Variants in PTPN4 observed in about 807,000 individuals in gnomAD.
PTPN4 encodes protein tyrosine phosphatase non-receptor type 4, also known as tyrosine-protein phosphatase non-receptor type 4.
PTPN4 carries 49 observed loss-of-function variants against 135.5 expected under a neutral mutation model. The ratio of observed to expected loss-of-function variants is 0.36; its 90% CI spans 0.29 to 0.46. The LOEUF is 0.46. Ranked by LOEUF, PTPN4 falls within the 20% of genes least tolerant of loss-of-function variation. The pLI is 1.00. For missense variants in PTPN4, 860 were observed against 1,101.0 expected (o/e 0.78, Z 3.10); for synonymous variants, 333 against 369.9 (o/e 0.90, Z 1.14).
At chr2:119,860,018 G>C (rs940108990) in intron 2 of PTPN4, among the ~76,000 whole-genome samples, 1 of 152,160 alleles carries the variant, frequency 6.6e-6, no homozygotes, top group Non-Finnish European at 1.5e-5. Context: ...TACCCAGTCT[G>C]TGATATATAG....
At chr2:119,831,576 A>G (rs1251181969) in intron 2 of PTPN4, among the ~76,000 whole-genome samples, 2 of 152,086 alleles carry the variant, frequency 1.3e-5, no homozygotes, top group East Asian at 3.8e-4. Context: ...GCTATGTCTT[A>G]TTGGTGGATT....
chr2:119,876,189 C>G (rs116755214), intron 3 of PTPN4, among the ~76,000 whole-genome samples: 3,766 of 152,110 alleles, frequency 0.025, 66 homozygotes, highest in Non-Finnish European at 0.034. Flanking sequence ...GACTTTGGAT[C>G]TAGTACTGAG....
At chr2:119,940,677 G>A (rs1574414011) in intron 15 of PTPN4, among the ~76,000 whole-genome samples, 1 of 152,048 alleles carries the variant, frequency 6.6e-6, no homozygotes, top group Admixed American at 6.5e-5. Flanking sequence ...GGCCAGGCTG[G>A]AAAATAAGAG....
chr2:119,806,028 T>C (rs943093171), intron 1 of PTPN4, among the ~76,000 whole-genome samples: 15 of 152,012 alleles, frequency 9.9e-5, no homozygotes, highest in African/African-American at 3.4e-4. Context: ...AAGCAAATGC[T>C]GAGAGATTTT....
intron 25 of PTPN4, among the ~76,000 whole-genome samples, 160 bp from the exon 26 acceptor site, chr2:119,967,677 T>C (rs1282458137): frequency 1.3e-5 from 2 of 152,226 alleles, no homozygotes; most frequent in African/African-American, 4.8e-5. Context: ...GCATTTTTTT[T>C]CTGTTTTCAA....
chr2:119,856,895 G>T (rs1185976089), intron 2 of PTPN4, among the ~76,000 whole-genome samples: 1 of 152,112 alleles, frequency 6.6e-6, no homozygotes, highest in African/African-American at 2.4e-5. Flanking sequence ...TGCAGGTGTG[G>T]CATGGTAAAT....
chr2:119,767,915 ATTC>A (rs1690659571), intron 1 of PTPN4, among the ~76,000 whole-genome samples: 1 of 152,180 alleles, frequency 6.6e-6, no homozygotes, highest in Admixed American at 6.5e-5. Context: ...GTAATTGGGA[ATTC>A]TTATGTGAGA....
intron 10 of PTPN4, among the ~76,000 whole-genome samples, chr2:119,914,002 A>G (rs1032941232): frequency 6.6e-6 from 1 of 152,166 alleles, no homozygotes; most frequent in Non-Finnish European, 1.5e-5. Flanking sequence ...AATAAAAGTT[A>G]TACAAAATAT....
At chr2:119,773,398 A>G (rs983726626) in intron 1 of PTPN4, among the ~76,000 whole-genome samples, 7 of 152,126 alleles carry the variant, frequency 4.6e-5, no homozygotes, top group Non-Finnish European at 4.4e-5. Flanking sequence ...TGAAAAAAAC[A>G]CAGATGAACT....
intron 2 of PTPN4, among the ~76,000 whole-genome samples, chr2:119,846,693 G>T (rs1373014916): frequency 6.6e-6 from 1 of 150,382 alleles, no homozygotes; most frequent in African/African-American, 2.4e-5. Context: ...CTCCTTTATT[G>T]CTTTCTTTTA....
chr2:119,871,444 G>T (rs775251714), intron 3 of PTPN4, among the ~76,000 whole-genome samples: 3 of 152,094 alleles, frequency 2.0e-5, no homozygotes, highest in Non-Finnish European at 4.4e-5. Flanking sequence ...GTGCATGCCT[G>T]CAGTCCCAGC....
chr2:119,906,423 C>G (rs1678488932), intron 10 of PTPN4, among the ~76,000 whole-genome samples: 1 of 152,018 alleles, frequency 6.6e-6, no homozygotes. Flanking sequence ...AAAGCAAATT[C>G]AATAATACGT....
intron 2 of PTPN4, among the ~76,000 whole-genome samples, chr2:119,846,114 T>A (rs1027968166): frequency 1.3e-5 from 2 of 152,182 alleles, no homozygotes; most frequent in African/African-American, 4.8e-5. Flanking sequence ...TACCATATGG[T>A]TTATTGTGGA....
chr2:119,875,949 T>C (rs1233517080), intron 3 of PTPN4, among the ~76,000 whole-genome samples: 4 of 152,182 alleles, frequency 2.6e-5, no homozygotes, highest in South Asian at 2.1e-4. Context: ...CGACATACTT[T>C]TGGTAGGGTG....
At position 119,885,812 on chromosome 2, in the gene PTPN4, A is replaced by T; in HGVS notation, c.605A>T (p.Glu202Val). Residue 202 changes from glutamate (E) to valine (V), a missense_variant, in exon 9 of 27, where the codon GAA becomes GTA. Coordinates refer to ENST00000263708, the MANE Select transcript of PTPN4 (RefSeq NM_002830.4). ...CTTTATAGAGGCTTATCTCCTGCAG[A>T]AGCAGAATTTAATTACCTAAACACA... The part of the protein sequence containing the change: ...HQQHIGLSPA[E>V]AEFNYLNTAR... 1 of 1,599,076 alleles carries T rather than the reference A, an allele frequency of 6.3e-7. No homozygotes were observed. The highest frequency in any genetic ancestry group is 8.5e-7 in the Non-Finnish European group (1 of 1,173,206).
chr2:119,878,875 C>T (rs181045886), intron 5 of PTPN4, among the ~76,000 whole-genome samples: 57 of 151,752 alleles, frequency 3.8e-4, no homozygotes, highest in Non-Finnish European at 6.3e-4. Context: ...GGGCGGATCA[C>T]GAGGTCAGGA....
intron 2 of PTPN4, among the ~76,000 whole-genome samples, chr2:119,842,215 C>T (rs993966029): frequency 6.6e-6 from 1 of 152,116 alleles, no homozygotes; most frequent in Non-Finnish European, 1.5e-5. Context: ...TATTGCATTT[C>T]TAATCTAAGG....
chr2:119,844,660 C>T (rs929026545), intron 2 of PTPN4, among the ~76,000 whole-genome samples: 13 of 151,458 alleles, frequency 8.6e-5, no homozygotes, highest in Non-Finnish European at 1.0e-4. Context: ...GGATGGGCGG[C>T]CGGGCAGAGA....
At chr2:119,846,953 A>C (rs1187578499) in intron 2 of PTPN4, among the ~76,000 whole-genome samples, 1 of 151,292 alleles carries the variant, frequency 6.6e-6, no homozygotes, top group Non-Finnish European at 1.5e-5. Context: ...TATATTCTGT[A>C]AAATTATTAC....
Sources: gnomAD v4.1 joint callset for allele counts (sites outside exome capture counted in the v4.1 genomes callset) on GRCh38, gnomAD v4.1.1 for gene constraint, MANE v1.5 for transcripts, NCBI Gene and HGNC (gene_info 2026-07-23, HGNC 2026-07-21) for gene names.